The following MPP7 variants were observed in gnomAD, a reference collection of about 807,000 sequenced individuals.
The protein encoded by MPP7 is MAGUK p55 scaffold protein 7.
A neutral mutation model predicts 76.5 loss-of-function variants in MPP7; 60 were observed. The ratio of observed to expected loss-of-function variants is 0.78; its 90% CI spans 0.64 to 0.97. MPP7 has a LOEUF of 0.97. Ranked by LOEUF, MPP7 falls within the 50% of genes least tolerant of loss-of-function variation. The pLI, the probability that MPP7 is intolerant of heterozygous loss-of-function variation, is 0.00. For missense variants in MPP7, 641 were observed against 694.0 expected, an observed-to-expected ratio of 0.92 and a Z score of 0.86; for synonymous variants, 237 against 244.5, an observed-to-expected ratio of 0.97 and a Z score of 0.29.
chr10:28,189,404 A>C (rs895993622), intron 3 of MPP7, among the ~76,000 whole-genome samples: 30 of 151,936 alleles, frequency 2.0e-4, no homozygotes, highest in Non-Finnish European at 3.5e-4. Flanking sequence ...CTCTACAAAA[A>C]AATACAAAAA....
intron 1 of MPP7, among the ~76,000 whole-genome samples, chr10:28,277,245 G>A (rs1217989340): frequency 1.3e-5 from 2 of 151,496 alleles, no homozygotes; most frequent in Non-Finnish European, 2.9e-5. Flanking sequence ...CATTACTACT[G>A]TCTCAGTTTA....
At chr10:28,118,908 TAC>T (rs1259093583) in intron 11 of MPP7, 2 of 985,302 alleles carry the variant, frequency 2.0e-6, no homozygotes, top group African/African-American at 3.5e-5. Flanking sequence ...CTGTTTAATG[TAC>T]AGTTTCTATG....
chr10:28,236,340 T>C (rs1839073330), intron 2 of MPP7, among the ~76,000 whole-genome samples: 1 of 152,174 alleles, frequency 6.6e-6, no homozygotes, highest in Non-Finnish European at 1.5e-5. Context: ...TATAGAGAGA[T>C]ATAGATAAAC....
chr10:28,238,426 C>A, intron 2 of MPP7, 142 bp downstream of exon 2: 1 of 823,544 alleles, frequency 1.2e-6, no homozygotes, highest in East Asian at 2.6e-5. Context: ...GAGGGCATCC[C>A]TGAGTTGATC....
intron 1 of MPP7, among the ~76,000 whole-genome samples, chr10:28,253,337 G>A (rs1055642553): frequency 6.6e-6 from 1 of 152,142 alleles, no homozygotes; most frequent in East Asian, 1.9e-4. Flanking sequence ...AGACTAACGA[G>A]GATTTAGAGC....
Position 28,119,116 on chromosome 10 carries a change from G to A in MPP7, c.952+535C>T, listed in dbSNP as rs550203601. ...ACACTAAGTTTTTCAGTAGTCATAC[G>A]GTAGCCATCCTTTGTCTTTCTCTCA... is the stretch of plus-strand genomic sequence containing the variant. On this transcript the variant is annotated intron_variant, in intron 11 of 16. Coordinates refer to ENST00000683449, the MANE Select transcript of MPP7 (RefSeq NM_001318170.2). The A allele has an allele frequency of 9.5e-6, 9 of 943,086 alleles. No individual in the cohort carries two copies. In the East Asian group the frequency reaches 3.5e-4, roughly 37 times the overall value. The allele number at this position is 943,086 out of a possible 1,614,324, so 58.4% of individuals were successfully genotyped here. A position where few individuals can be genotyped will look rare whatever the true frequency, so the allele number is the denominator to read the frequency against.
In MPP7 at chr10:28,277,136, G is replaced by A. The variant is rs771288477; in HGVS notation, c.-132+25725C>T. Among the ~76,000 whole-genome samples the A allele has an allele frequency of 1.6e-4, 24 of 151,940 alleles. 1 individual carries two copies. Among genetic ancestry groups the A allele is most frequent in the Admixed American group, 7.2e-4 (11 of 15,268 alleles). On this transcript the variant is annotated intron_variant, in intron 1 of 16. Coordinates refer to ENST00000683449, the MANE Select transcript of MPP7 (RefSeq NM_001318170.2). ...TGGGAGGTCAAGGCTGCAGTAAGCC[G>A]TGACAGTGTCACTGTACTTCTACCT...
intron 1 of MPP7, among the ~76,000 whole-genome samples, chr10:28,244,266 A>AC: frequency 6.6e-6 from 1 of 152,332 alleles, no homozygotes; most frequent in East Asian, 1.9e-4. Flanking sequence ...CATTATTTAT[A>AC]CATTCAAAAA....
At chr10:28,238,070 T>C (rs1839137156) in intron 2 of MPP7, among the ~76,000 whole-genome samples, 1 of 152,198 alleles carries the variant, frequency 6.6e-6, no homozygotes. Flanking sequence ...TTAGTTTTAA[T>C]TGAATCCCTT....
intron 2 of MPP7, among the ~76,000 whole-genome samples, chr10:28,321,157 A>G (rs1262684143): frequency 6.6e-6 from 1 of 152,152 alleles, no homozygotes; most frequent in Non-Finnish European, 1.5e-5. Context: ...TCTCAAATAT[A>G]TATGTAGTTT....
At chr10:28,156,834 G>C (rs931979407) in intron 3 of MPP7, among the ~76,000 whole-genome samples, 1 of 152,180 alleles carries the variant, frequency 6.6e-6, no homozygotes, top group African/African-American at 2.4e-5. Context: ...TCCCAAAGAA[G>C]AAAGTTCTAT....
intron 11 of MPP7, chr10:28,118,501 C>G: frequency 1.0e-6 from 1 of 985,298 alleles, no homozygotes; most frequent in Non-Finnish European, 1.2e-6. Context: ...ATTTAAAAAT[C>G]CCTTTGAGAG....
intron 12 of MPP7, among the ~76,000 whole-genome samples, chr10:28,082,414 C>T (rs932949198): frequency 6.6e-6 from 1 of 151,186 alleles, no homozygotes; most frequent in African/African-American, 2.4e-5. Flanking sequence ...CCTTCTCCTC[C>T]TCCTCCTTCT....
At chr10:28,238,495 G>T in intron 2 of MPP7, 73 bp downstream of exon 2, 1 of 1,456,098 alleles carries the variant, frequency 6.9e-7, no homozygotes, top group Non-Finnish European at 9.6e-7. Flanking sequence ...TTTGCTTAAA[G>T]CATGCTGTAT....
chr10:28,104,019 A>T (rs369287001), intron 11 of MPP7, among the ~76,000 whole-genome samples: 1 of 152,238 alleles, frequency 6.6e-6, no homozygotes, highest in South Asian at 2.1e-4. Flanking sequence ...AACCAAATGC[A>T]TATAGTACTT....
At chr10:28,179,931 T>C (rs1837005121) in intron 3 of MPP7, among the ~76,000 whole-genome samples, 1 of 152,192 alleles carries the variant, frequency 6.6e-6, no homozygotes, top group Admixed American at 6.5e-5. Context: ...ATCCTTTCAT[T>C]TAGCTTTTAA....
chr10:28,092,823 G>A (rs1485887219), intron 11 of MPP7, among the ~76,000 whole-genome samples: 5 of 139,930 alleles, frequency 3.6e-5, no homozygotes, highest in African/African-American at 1.1e-4. Flanking sequence ...AAAATGATCC[G>A]CCCACCTCAG....
chr10:28,063,498 AC>A (rs1443633171), intron 13 of MPP7, among the ~76,000 whole-genome samples: 2 of 150,832 alleles, frequency 1.3e-5, no homozygotes, highest in Admixed American at 6.6e-5. Flanking sequence ...TTGAACACGC[AC>A]TTTACCAAAG....
chr10:28,259,166 T>C (rs991365841), intron 1 of MPP7, among the ~76,000 whole-genome samples: 2 of 152,234 alleles, frequency 1.3e-5, no homozygotes, highest in Non-Finnish European at 2.9e-5. Flanking sequence ...TCTCACACTT[T>C]TGATCATTCA....
Sources: gnomAD v4.1 joint callset for allele counts (sites outside exome capture counted in the v4.1 genomes callset) on GRCh38, gnomAD v4.1.1 for gene constraint, MANE v1.5 for transcripts, NCBI Gene and HGNC (gene_info 2026-07-23, HGNC 2026-07-21) for gene names.